PLPP1: variants seen among roughly 807,000 people sequenced by gnomAD.
PLPP1 encodes the protein phospholipid phosphatase 1, also known as lipid phosphate phosphohydrolase 1a.
Under a neutral mutation model 31.2 loss-of-function variants are expected in PLPP1, and 24 were observed. The observed-to-expected ratio is 0.77, with a 90% CI of 0.56 to 1.08. PLPP1 has a LOEUF of 1.08. Ranked by LOEUF, PLPP1 falls within the 50% of genes least tolerant of loss-of-function variation. The probability of loss-of-function intolerance (pLI) is 0.00; values close to 1 mark genes in which losing one functional copy is unlikely to be tolerated. For missense variants in PLPP1, 319 were observed against 342.7 expected, an observed-to-expected ratio of 0.93 and a Z score of 0.55; for synonymous variants, 146 against 126.3, an observed-to-expected ratio of 1.16 and a Z score of -1.05.
intron 4 of PLPP1, among the ~76,000 whole-genome samples, chr5:55,427,787 T>C (rs1444744714): frequency 1.5e-5 from 2 of 131,340 alleles, no homozygotes; most frequent in Non-Finnish European, 3.3e-5. Flanking sequence ...GGGGGGGGGA[T>C]GTGGGAGGGG....
intron 4 of PLPP1, among the ~76,000 whole-genome samples, chr5:55,433,342 GAAAT>G (rs1319978756): frequency 8.2e-5 from 12 of 146,516 alleles, no homozygotes; most frequent in Admixed American, 2.1e-4. Flanking sequence ...AAAAAGAAAA[GAAAT>G]AAAGGCATCC....
chr5:55,488,594 C>T (rs1023082175), intron 1 of PLPP1, among the ~76,000 whole-genome samples: 2 of 151,980 alleles, frequency 1.3e-5, no homozygotes, highest in Admixed American at 6.6e-5. Flanking sequence ...TGCACTAAGT[C>T]GAGACTGTGC....
chr5:55,522,863 C>T (rs1436935488), intron 1 of PLPP1, among the ~76,000 whole-genome samples: 2 of 152,104 alleles, frequency 1.3e-5, no homozygotes, highest in Admixed American at 6.6e-5. Flanking sequence ...GGACTACAGG[C>T]GCCCGCCACC....
At chr5:55,439,010 T>TAG (rs1751560638) in intron 4 of PLPP1, among the ~76,000 whole-genome samples, 2 of 152,124 alleles carry the variant, frequency 1.3e-5, no homozygotes, top group Non-Finnish European at 2.9e-5. Flanking sequence ...TTCCACTACC[T>TAG]AGAGTCAGTA....
chr5:55,441,961 T>G (rs1171021594), intron 3 of PLPP1, 53 bp from the exon 4 acceptor site: 17 of 1,541,190 alleles, frequency 1.1e-5, no homozygotes, highest in Non-Finnish European at 1.5e-5. Flanking sequence ...GCCAAAAGTA[T>G]TGTTGATTTC....
At chr5:55,428,495 C>T (rs575280199) in intron 4 of PLPP1, among the ~76,000 whole-genome samples, 1 of 152,332 alleles carries the variant, frequency 6.6e-6, no homozygotes, top group African/African-American at 2.4e-5. Context: ...ACCTTGCCAG[C>T]AAAAGTTTCC....
chr5:55,490,873 C>CTG, intron 1 of PLPP1: 1 of 1,399,002 alleles, frequency 7.1e-7, no homozygotes, highest in South Asian at 1.4e-5. Flanking sequence ...GAAGACAGTA[C>CTG]TGTGGATTTA....
At chr5:55,489,772 G>T (rs1752848500) in intron 1 of PLPP1, among the ~76,000 whole-genome samples, 1 of 152,150 alleles carries the variant, frequency 6.6e-6, no homozygotes, top group African/African-American at 2.4e-5. Flanking sequence ...GCAGAACAAG[G>T]CTACTGAGTT....
At chr5:55,497,737 G>A (rs969020084) in intron 1 of PLPP1, among the ~76,000 whole-genome samples, 1 of 152,162 alleles carries the variant, frequency 6.6e-6, no homozygotes, top group African/African-American at 2.4e-5. Context: ...TACAAGGTGT[G>A]AAGGGTGTGG....
At position 55,429,562 on chromosome 5, in the gene PLPP1, T is replaced by C. The variant is rs182325528; in HGVS notation, c.550-3523A>G. Among the ~76,000 whole-genome samples, 66 of 152,150 alleles carry C rather than the reference T, an allele frequency of 4.3e-4. 1 individual carries two copies. Among genetic ancestry groups the C allele is most frequent in the Non-Finnish European group, 7.5e-4 (51 of 67,994 alleles). ...CCCTCAACCCACACAAACAGGGAACTTGGGGACTGCATGATGGCACTGCTC... is the reference window on the plus strand; with the variant it reads ...CCCTCAACCCACACAAACAGGGAACCTGGGGACTGCATGATGGCACTGCTC... On this transcript the variant is annotated intron_variant, in intron 4 of 5. Coordinates refer to ENST00000307259, the MANE Select transcript of PLPP1 (RefSeq NM_003711.4).
In PLPP1 at chr5:55,448,050, TAA is replaced by T. The variant is rs1429749688; in HGVS notation, c.492-6144_492-6143del. On this transcript the variant is annotated intron_variant, in intron 3 of 5. Transcript: ENST00000307259. ...AATCTGTAAACATGGACTGATCCTA[TAA>T]AAAAGTTAAAATGTCCTGTACAAAT... Among the ~76,000 whole-genome samples, 8 of 152,292 alleles carry T rather than the reference TAA, an allele frequency of 5.3e-5. No homozygotes were observed. The East Asian group carries it at 5.8e-4, about 11-fold the overall frequency.
chr5:55,426,031 A>AAGAT lies in PLPP1; in HGVS notation c.554_557dup (p.Gln187SerfsTer35), dbSNP rs1751182960. 1 of 1,585,326 alleles carries AAGAT rather than the reference A, an allele frequency of 6.3e-7. No individual in the cohort carries two copies. The highest frequency in any genetic ancestry group is 8.5e-7 in the Non-Finnish European group (1 of 1,172,072). On this transcript the variant is annotated frameshift_variant, in exon 5 of 6. Coordinates refer to ENST00000307259, the MANE Select transcript of PLPP1 (RefSeq NM_003711.4). LOFTEE classifies it high-confidence loss of function. ...CCCAGTCTCCCTTCATCCTGGCTTGAAGATAAAGCTAAAAGAAAAGAATAA... is the reference window on the plus strand; with the variant it reads ...CCCAGTCTCCCTTCATCCTGGCTTGAAGATAGATAAAGCTAAAAGAAAAGAATAA...
At chr5:55,477,575 A>G (rs186164718) in intron 1 of PLPP1, among the ~76,000 whole-genome samples, 23 of 151,538 alleles carry the variant, frequency 1.5e-4, no homozygotes, top group Non-Finnish European at 2.5e-4. Flanking sequence ...TGTATTTTTA[A>G]TAGAGAAGGG....
At chr5:55,527,268 G>A (rs1740489861) in intron 1 of PLPP1, among the ~76,000 whole-genome samples, 1 of 152,160 alleles carries the variant, frequency 6.6e-6, no homozygotes, top group South Asian at 2.1e-4. Flanking sequence ...TCAGCATTAT[G>A]GTAATAAGAA....
chr5:55,449,266 CA>C (rs1430026189), intron 3 of PLPP1, among the ~76,000 whole-genome samples: 4 of 152,164 alleles, frequency 2.6e-5, no homozygotes, highest in African/African-American at 7.2e-5. Context: ...ACAGCAGCTC[CA>C]GGGAAAGGTA....
intron 2 of PLPP1, 72 bp from the exon 3 acceptor site, chr5:55,468,221 G>T: frequency 7.4e-7 from 1 of 1,344,728 alleles, no homozygotes. Context: ...AACATAGGGG[G>T]AAAAAAGGAA....
rs193059605 is a variant in PLPP1, at chr5:55,503,781, C to T, written c.59-28331G>A. Among the ~76,000 whole-genome samples the T allele has an allele frequency of 4.9e-5, 6 of 122,040 alleles. No individual in the cohort carries two copies. In the East Asian group the frequency reaches 7.4e-4, roughly 15 times the overall value. The allele number at this position is 122,040 out of a possible 152,430, so 80.1% of individuals were successfully genotyped here. A position where few individuals can be genotyped will look rare whatever the true frequency, so the allele number is the denominator to read the frequency against. ...GCAACAGAGAGAGGCTGTCTCAAAA[C>T]GAAGGAGAGGAAGGGGAGGAAGGGG... On this transcript the variant is annotated intron_variant, in intron 1 of 5. Transcript: ENST00000307259.
intron 1 of PLPP1, among the ~76,000 whole-genome samples, chr5:55,482,174 ATATATAG>A (rs1010734672): frequency 6.0e-5 from 9 of 148,914 alleles, no homozygotes; most frequent in African/African-American, 2.2e-4. Flanking sequence ...TCATACATAT[ATATATAG>A]TATATAGTAT....
chr5:55,493,519 G>A (rs1475794254), intron 1 of PLPP1, among the ~76,000 whole-genome samples: 1 of 152,046 alleles, frequency 6.6e-6, no homozygotes, highest in East Asian at 1.9e-4. Context: ...GAGGCGGGAG[G>A]ATCACTTGAG....
Sources: gnomAD v4.1 joint callset for allele counts (sites outside exome capture counted in the v4.1 genomes callset) on GRCh38, gnomAD v4.1.1 for gene constraint, MANE v1.5 for transcripts, NCBI Gene and HGNC (gene_info 2026-07-23, HGNC 2026-07-21) for gene names.